Variants in SLC35D2 observed in about 807,000 individuals in gnomAD.
The protein encoded by SLC35D2 is nucleotide sugar transporter SLC35D2.
In SLC35D2, 43 loss-of-function variants were observed where a neutral mutation model predicts 41.8. That is an observed-to-expected ratio of 1.03 (90% CI 0.81 to 1.33). The LOEUF (loss-of-function observed/expected upper bound fraction) is 1.33. Among genes scored for constraint, SLC35D2 ranks in the 40% most tolerant of loss-of-function variants. The pLI, the probability that SLC35D2 is intolerant of heterozygous loss-of-function variation, is 0.00. For missense variants in SLC35D2, 380 were observed against 408.4 expected, an observed-to-expected ratio of 0.93 and a Z score of 0.60; for synonymous variants, 150 against 163.9, an observed-to-expected ratio of 0.92 and a Z score of 0.65.
intron 1 of SLC35D2, among the ~76,000 whole-genome samples, chr9:96,375,702 G>A (rs1029987571): frequency 3.9e-5 from 6 of 152,068 alleles, no homozygotes; most frequent in African/African-American, 1.4e-4. Context: ...TGAAGATCAT[G>A]TGGGCAGAAC....
At chr9:96,340,344 C>T (rs904057005) in intron 8 of SLC35D2, among the ~76,000 whole-genome samples, 2 of 151,962 alleles carry the variant, frequency 1.3e-5, no homozygotes, top group Admixed American at 6.6e-5. Context: ...CTTGGCTGGG[C>T]GCAGTGGCTC....
intron 9 of SLC35D2, among the ~76,000 whole-genome samples, chr9:96,331,549 T>C (rs899939075): frequency 1.3e-5 from 2 of 152,012 alleles, no homozygotes; most frequent in Non-Finnish European, 2.9e-5. Context: ...CTTTAAATAC[T>C]GAAGTCTTCA....
intron 3 of SLC35D2, among the ~76,000 whole-genome samples, chr9:96,360,972 G>T (rs1830250183): frequency 6.6e-6 from 1 of 151,994 alleles, no homozygotes; most frequent in African/African-American, 2.4e-5. Context: ...CGAACTCCTG[G>T]TCTCAGGTGA....
chr9:96,354,163 T>A (rs1276661207), intron 4 of SLC35D2, among the ~76,000 whole-genome samples: 1 of 152,240 alleles, frequency 6.6e-6, no homozygotes, highest in East Asian at 1.9e-4. Context: ...TAAGGTATAC[T>A]TAATGGTTAA....
intron 11 of SLC35D2, 51 bp from the exon 12 acceptor site, chr9:96,321,392 CT>C (rs746344406): frequency 8.9e-6 from 12 of 1,347,162 alleles, no homozygotes; most frequent in Non-Finnish European, 9.5e-6. Flanking sequence ...TTCACAGGGG[CT>C]CCAGCAGCAG....
At chr9:96,328,764 T>G (rs1828667662) in intron 9 of SLC35D2, among the ~76,000 whole-genome samples, 1 of 152,190 alleles carries the variant, frequency 6.6e-6, no homozygotes, top group Non-Finnish European at 1.5e-5. Context: ...ACTTTTGCAT[T>G]CTTTCCACCA....
intron 11 of SLC35D2, 143 bp from the exon 12 acceptor site, chr9:96,321,484 T>C (rs2130824088): frequency 3.2e-6 from 2 of 628,584 alleles, no homozygotes; most frequent in East Asian, 2.7e-5. Context: ...AGTTTGTGGA[T>C]TGCTTGATGA....
At chr9:96,333,133 ATGATC>A (rs537106616) in intron 9 of SLC35D2, among the ~76,000 whole-genome samples, 1,684 of 151,156 alleles carry the variant, frequency 0.011, 17 homozygotes, top group South Asian at 0.019. Context: ...TCCTGACCTC[ATGATC>A]TGCCCACCTC....
At chr9:96,369,486 A>G (rs1830597564) in intron 1 of SLC35D2, among the ~76,000 whole-genome samples, 1 of 152,226 alleles carries the variant, frequency 6.6e-6, no homozygotes, top group Admixed American at 6.5e-5. Flanking sequence ...AATCCTGAAG[A>G]TAAACAAAGT....
Position 96,321,271 on chromosome 9 carries a change from C to A in SLC35D2, c.985G>T (p.Glu329Ter). The change falls in exon 12 of 12, where the codon GAA becomes TAA. Residue 329 changes from glutamate to a stop codon, truncating the protein, a stop_gained. Transcript: ENST00000253270. LOFTEE classifies it high-confidence loss of function. ...SQLKPKPVGE[E>*]NICLDLKS is the part of the protein sequence containing the mutation. ...CTCTTCAAATCCAAACAGATGTTTT[C>A]TTCACCCACAGGTTTAGGTTTTAAC... 6.2e-7 allele frequency: 1 copy of A among 1,613,896 alleles called. No individual in the cohort carries two copies. Among genetic ancestry groups the A allele is most frequent in the South Asian group, 1.1e-5 (1 of 91,076 alleles).
intron 6 of SLC35D2, among the ~76,000 whole-genome samples, chr9:96,345,820 G>C (rs1406350472): frequency 6.6e-6 from 1 of 152,174 alleles, no homozygotes; most frequent in East Asian, 1.9e-4. Context: ...TGGGTAAGAG[G>C]GGTCGCATGA....
chr9:96,337,291 C>A (rs1829089764), intron 8 of SLC35D2, among the ~76,000 whole-genome samples: 1 of 152,110 alleles, frequency 6.6e-6, no homozygotes, highest in Admixed American at 6.6e-5. Context: ...TGGCTCACTG[C>A]AGCCTCTACC....
chr9:96,342,531 C>T (rs1829378926), intron 8 of SLC35D2, among the ~76,000 whole-genome samples: 1 of 152,158 alleles, frequency 6.6e-6, no homozygotes, highest in South Asian at 2.1e-4. Context: ...AGGTATCATG[C>T]CCTGCTCATT....
intron 1 of SLC35D2, among the ~76,000 whole-genome samples, chr9:96,377,136 C>G (rs1227051401): frequency 2.6e-5 from 4 of 151,542 alleles, no homozygotes; most frequent in Non-Finnish European, 5.9e-5. Flanking sequence ...GAGGAGGAGG[C>G]CTGGGGAAGC....
chr9:96,329,703 A>G (rs563746091), intron 9 of SLC35D2, among the ~76,000 whole-genome samples: 10 of 115,262 alleles, frequency 8.7e-5, no homozygotes, highest in Admixed American at 4.5e-4. Context: ...TTGCGGCACC[A>G]ATAATAACTA....
chr9:96,322,717 G>GTTTGTT lies in SLC35D2; in HGVS notation c.832-638_832-637insAACAAA, dbSNP rs1554708981. ...TCATTGGGTAGTGAGGTTTTCTGGG[G>GTTTGTT]TTTTTTTTTTTTTTTTTTTGAGACA... On this transcript the variant is annotated intron_variant, in intron 10 of 11. Transcript: ENST00000253270. Among the ~76,000 whole-genome samples the GTTTGTT allele has an allele frequency of 9.0e-5, 10 of 111,428 alleles. No homozygotes were observed. The East Asian group carries it at 1.7e-3, about 19-fold the overall frequency. 73.1% of individuals were successfully genotyped at this position (111,428 alleles called of 152,430 possible).
At chr9:96,336,664 A>C in intron 9 of SLC35D2, 53 bp downstream of exon 9, 1 of 1,057,532 alleles carries the variant, frequency 9.5e-7, no homozygotes, top group Middle Eastern at 2.0e-4. Context: ...TCTTGATTTG[A>C]CTTGTCAAGA....
chr9:96,313,853 G>C (rs1224520190), exon 12 of SLC35D2: 1 of 152,478 alleles, frequency 6.6e-6, no homozygotes, highest in Admixed American at 6.5e-5. Flanking sequence ...AAGTGAGCTG[G>C]GGCAAGGGTA....
Position 96,376,575 on chromosome 9 carries a change from CT to C in SLC35D2, c.158+6901del, listed in dbSNP as rs375925043. Among the ~76,000 whole-genome samples, 26 of 152,248 alleles carry C rather than the reference CT, an allele frequency of 1.7e-4. No individual in the cohort carries two copies. In the South Asian group the frequency reaches 5.4e-3, roughly 32 times the overall value. ...AGTGAGCCGAGATCGTGCCATTGCA[CT>C]CCAGCCTGGGCAACAGAGAGAGACT... is the stretch of plus-strand genomic sequence containing the variant. On this transcript the variant is annotated intron_variant, in intron 1 of 11. Coordinates refer to ENST00000253270, the MANE Select transcript of SLC35D2 (RefSeq NM_007001.3).
Sources: gnomAD v4.1 joint callset for allele counts (sites outside exome capture counted in the v4.1 genomes callset) on GRCh38, gnomAD v4.1.1 for gene constraint, MANE v1.5 for transcripts, NCBI Gene and HGNC (gene_info 2026-07-23, HGNC 2026-07-21) for gene names.